Variants in URB1 observed in about 807,000 individuals in gnomAD.
URB1 encodes the protein URB1 ribosome biogenesis factor.
In URB1, 197 loss-of-function variants were observed where a neutral mutation model predicts 242.3. The ratio of observed to expected loss-of-function variants is 0.81; its 90% CI spans 0.72 to 0.91. The LOEUF (loss-of-function observed/expected upper bound fraction) is 0.91, where lower values mean the gene tolerates loss of function less well. URB1 is among the 40% of genes least tolerant of loss of function. The pLI is 0.00. For missense variants in URB1, 2,721 were observed against 2,860.5 expected, an observed-to-expected ratio of 0.95 and a Z score of 1.11; for synonymous variants, 1,153 against 1,201.8, an observed-to-expected ratio of 0.96 and a Z score of 0.84.
At position 32,311,635 on chromosome 21, in the gene URB1, T is replaced by G; in HGVS notation, c.*3283A>C. 6.2e-7 allele frequency: 1 copy of G among 1,601,194 alleles called. No homozygotes were observed. The highest frequency in any genetic ancestry group is 8.5e-7 in the Non-Finnish European group (1 of 1,173,936). ...AACCCCCCAGCCCCACAGTATGGAC[T>G]GTTCTGCAGCAACTATGATGCCTGC... On this transcript the variant is annotated 3_prime_UTR_variant, in exon 39 of 39. Coordinates refer to ENST00000382751, the MANE Select transcript of URB1 (RefSeq NM_014825.3).
At chr21:32,318,888 G>A (rs1439001835) in intron 36 of URB1, among the ~76,000 whole-genome samples, 1 of 152,138 alleles carries the variant, frequency 6.6e-6, no homozygotes, top group Non-Finnish European at 1.5e-5. Flanking sequence ...CTTGATTCAA[G>A]TGTTTGAATC....
At position 32,360,877 on chromosome 21, in the gene URB1, C is replaced by A. The variant is rs1361759041; in HGVS notation, c.1756+130G>T. 5.1e-5 allele frequency: 29 copies of A among 570,088 alleles called. No homozygotes were observed. In the East Asian group the frequency reaches 8.5e-4, roughly 17 times the overall value. The allele number at this position is 570,088 out of a possible 1,614,324, so 35.3% of individuals were successfully genotyped here. ...TATTTAAAAAATACTGATGCAAGTACAATTTCTCAGGCTGACGGATGAGCA... is the reference window on the plus strand; with the variant it reads ...TATTTAAAAAATACTGATGCAAGTAAAATTTCTCAGGCTGACGGATGAGCA... On this transcript the variant is annotated intron_variant, in intron 13 of 38. Coordinates refer to ENST00000382751, the MANE Select transcript of URB1 (RefSeq NM_014825.3).
At chr21:32,389,581 C>G (rs996737349) in intron 1 of URB1, among the ~76,000 whole-genome samples, 1 of 152,164 alleles carries the variant, frequency 6.6e-6, no homozygotes, top group African/African-American at 2.4e-5. Context: ...CAGAAATTCT[C>G]AGGAGGAGAA....
At position 32,334,236 on chromosome 21, in the gene URB1, C is replaced by T. The variant is rs555301547; in HGVS notation, c.4784G>A (p.Arg1595His). The change falls in exon 29 of 39, where the codon CGC becomes CAC. Residue 1595 changes from arginine to histidine, a missense_variant. Transcript: ENST00000382751. ...WQQPSVGDIL[R>H]LLDRDRMMQT... ...CATCATCCGGTCCCGGTCCAGCAGG[C>T]GAAGGATGTCCCCGACACTCGGCTG... 8.4e-5 allele frequency: 131 copies of T among 1,551,528 alleles called. No homozygotes were observed. The highest frequency in any genetic ancestry group is 1.2e-4 in the African/African-American group (9 of 73,128).
At chr21:32,366,840 C>G in intron 9 of URB1, 85 bp from the exon 10 acceptor site, 1 of 1,409,478 alleles carries the variant, frequency 7.1e-7, no homozygotes, top group Non-Finnish European at 9.6e-7. Flanking sequence ...AAGGTGAAGC[C>G]ATTCAATCAA....
chr21:32,331,327 T>C (rs2032890713), intron 30 of URB1, among the ~76,000 whole-genome samples: 1 of 152,222 alleles, frequency 6.6e-6, no homozygotes, highest in Non-Finnish European at 1.5e-5. Flanking sequence ...ACCTGCTGAA[T>C]TTCAAACTGT....
chr21:32,317,348 G>C (rs1320956483), intron 37 of URB1, among the ~76,000 whole-genome samples: 2 of 152,228 alleles, frequency 1.3e-5, no homozygotes, highest in East Asian at 1.9e-4. Context: ...CAGTCCAGGA[G>C]GCCAGGTTCC....
At chr21:32,329,965 TGAG>T (rs1408166667) in intron 30 of URB1, among the ~76,000 whole-genome samples, 1 of 152,168 alleles carries the variant, frequency 6.6e-6, no homozygotes. Context: ...GGAAGGGGCT[TGAG>T]GAGCTGCTTA....
At chr21:32,368,264 C>T (rs1356556912) in intron 9 of URB1, 139 bp downstream of exon 9, 10 of 521,902 alleles carry the variant, frequency 1.9e-5, no homozygotes, top group South Asian at 2.6e-5. Flanking sequence ...AGACAGGTTT[C>T]GTCACGTTGG....
At chr21:32,340,805 G>C (rs949192376) in intron 25 of URB1, among the ~76,000 whole-genome samples, 1 of 151,972 alleles carries the variant, frequency 6.6e-6, no homozygotes, top group Non-Finnish European at 1.5e-5. Flanking sequence ...GGGAGGGAGA[G>C]AGAGATGTGA....
At chr21:32,373,565 C>T (rs2033427828) in intron 7 of URB1, 82 bp downstream of exon 7, 4 of 1,405,634 alleles carry the variant, frequency 2.8e-6, no homozygotes, top group East Asian at 2.7e-5. Flanking sequence ...AAGTCTGGTG[C>T]GGTGTTGAGA....
intron 5 of URB1, among the ~76,000 whole-genome samples, chr21:32,375,894 T>G (rs906751197): frequency 5.9e-5 from 9 of 152,028 alleles, no homozygotes; most frequent in Admixed American, 3.3e-4. Flanking sequence ...GAGTTTGAGG[T>G]TGCAGTAAGC....
At chr21:32,368,367 T>C (rs7277593) in intron 9 of URB1, 36 bp downstream of exon 9, 160,574 of 1,495,836 alleles carry the variant, frequency 0.11, 10,272 homozygotes, top group African/African-American at 0.28. Flanking sequence ...CACGCCCAGC[T>C]TAGCTAACAG....
At chr21:32,336,727 CT>C (rs781542224) in intron 28 of URB1, among the ~76,000 whole-genome samples, 6 of 152,224 alleles carry the variant, frequency 3.9e-5, no homozygotes, top group Non-Finnish European at 7.3e-5. Context: ...GTTGAGCCCC[CT>C]GACACTTCCC....
At chr21:32,323,174 C>T (rs2032788238) in intron 32 of URB1, among the ~76,000 whole-genome samples, 2 of 152,230 alleles carry the variant, frequency 1.3e-5, no homozygotes, top group South Asian at 4.1e-4. Context: ...AGGACCAAAA[C>T]CATCATGGTC....
chr21:32,350,599 G>A (rs941686509), intron 20 of URB1, 105 bp downstream of exon 20: 34 of 1,324,114 alleles, frequency 2.6e-5, no homozygotes, highest in Middle Eastern at 2.5e-4. Flanking sequence ...TCTGCAGTGA[G>A]TTCCAGGGAG....
chr21:32,353,865 C>T, intron 18 of URB1, 68 bp downstream of exon 18: 1 of 1,474,422 alleles, frequency 6.8e-7, no homozygotes, highest in South Asian at 1.4e-5. Context: ...CCCCTGGAAT[C>T]CCACCTCCCA....
In URB1 at chr21:32,361,897, T is replaced by C. The variant is rs1473098328; in HGVS notation, c.1634A>G (p.Gln545Arg). The C allele has an allele frequency of 1.9e-6, 3 of 1,550,988 alleles. No homozygotes were observed. Among genetic ancestry groups the C allele is most frequent in the South Asian group, 1.2e-5 (1 of 84,038 alleles). The part of the protein sequence containing the change: ...DGPPAACDAH[Q>R]CDDAETILLK... ...CCTCACCCCTGAGACCTTACCGCAC[T>C]GGTGAGCATCGCAGGCAGCCGGGGG... Residue 545 changes from glutamine (Q) to arginine (R), a missense_variant, in exon 12 of 39, where the codon CAG (glutamine) becomes CGG (arginine). Gln to Arg is a conservative substitution (Grantham distance 43). Transcript: ENST00000382751.
At chr21:32,374,343 C>G (rs930674483) in intron 6 of URB1, among the ~76,000 whole-genome samples, 2 of 152,168 alleles carry the variant, frequency 1.3e-5, no homozygotes, top group African/African-American at 4.8e-5. Flanking sequence ...AACCTAACCC[C>G]AGAATCCCTA....
Sources: allele counts gnomAD v4.1 joint callset (sites outside exome capture counted in the v4.1 genomes callset), GRCh38; gene constraint gnomAD v4.1.1; transcripts MANE v1.5; gene names NCBI Gene and HGNC (gene_info 2026-07-23, HGNC 2026-07-21).